CCDC33: variants seen among roughly 807,000 people sequenced by gnomAD.
CCDC33 encodes coiled-coil domain-containing protein 33.
Under a neutral mutation model 91.9 loss-of-function variants are expected in CCDC33, and 94 were observed. That is an observed-to-expected ratio of 1.02 (90% CI 0.87 to 1.21). The LOEUF is 1.21. CCDC33 is among the 50% of genes most tolerant of loss of function. The pLI, the probability that CCDC33 is intolerant of heterozygous loss-of-function variation, is 0.00. For synonymous variants in CCDC33, 396 were observed against 374.5 expected (o/e 1.06, Z -0.66); for missense variants, 940 against 935.5 (o/e 1.00, Z -0.06).
intron 7 of CCDC33, among the ~76,000 whole-genome samples, chr15:74,274,413 T>A (rs545339716): frequency 1.3e-5 from 2 of 152,048 alleles, no homozygotes; most frequent in African/African-American, 4.8e-5. Context: ...TTTTTGGAGG[T>A]CCCTCCTATT....
upstream of CCDC33, chr15:74,213,426 A>G (rs1236672101): frequency 1.3e-5 from 2 of 152,212 alleles, no homozygotes; most frequent in East Asian, 1.9e-4. Context: ...GTCCAGTCAT[A>G]TCGCTACACA....
intron 11 of CCDC33, among the ~76,000 whole-genome samples, chr15:74,305,873 G>GA (rs894146955): frequency 2.8e-4 from 34 of 121,342 alleles, no homozygotes; most frequent in African/African-American, 1.3e-3. Context: ...GTGTGGCCTT[G>GA]AAAAAATCAC....
At position 74,331,098 on chromosome 15, in the gene CCDC33, C is replaced by T. The variant is rs368665468; in HGVS notation, c.1663C>T (p.Arg555Trp). 39 of 1,612,792 alleles carry T rather than the reference C, an allele frequency of 2.4e-5. No homozygotes were observed. Among genetic ancestry groups the T allele is most frequent in the South Asian group, 3.3e-5 (3 of 90,844 alleles). ...QKMKALEETV[R>W]HQEKVIEKME... is the part of the protein sequence containing the mutation. ...GATGAAGGCGCTGGAGGAGACTGTG[C>T]GGCACCAAGAGAAGGCAGGTGGCAG... The change falls in exon 14 of 19, where the codon CGG (arginine) becomes TGG (tryptophan). Residue 555 changes from arginine to tryptophan, a missense_variant. Coordinates refer to ENST00000398814, the MANE Select transcript of CCDC33 (RefSeq NM_025055.5).
intron 11 of CCDC33, among the ~76,000 whole-genome samples, chr15:74,304,849 G>C (rs1289384350): frequency 6.6e-6 from 1 of 152,150 alleles, no homozygotes; most frequent in Non-Finnish European, 1.5e-5. Flanking sequence ...CACCTGGCTA[G>C]GTAAATGTGC....
At chr15:74,258,683 T>C (rs1310392501) in intron 2 of CCDC33, among the ~76,000 whole-genome samples, 1 of 152,170 alleles carries the variant, frequency 6.6e-6, no homozygotes, top group Non-Finnish European at 1.5e-5. Context: ...TGTGTGGATG[T>C]GTGTGTGTGT....
At chr15:74,225,115 GGCGT>G (rs1246806341) in intron 2 of CCDC33, among the ~76,000 whole-genome samples, 2 of 117,112 alleles carry the variant, frequency 1.7e-5, no homozygotes, top group East Asian at 4.2e-4. Context: ...ACCTCCTGGA[GGCGT>G]GTGTGTGTGT....
intron 7 of CCDC33, among the ~76,000 whole-genome samples, chr15:74,273,262 A>G (rs1343196879): frequency 1.3e-5 from 2 of 152,252 alleles, no homozygotes; most frequent in Admixed American, 6.5e-5. Context: ...AATGTAGAAC[A>G]GTGGCTACAG....
In CCDC33 at chr15:74,280,103, C is replaced by T. The variant is rs1443216562; in HGVS notation, c.889+11C>T. 6.2e-7 allele frequency: 1 copy of T among 1,613,648 alleles called. No individual in the cohort carries two copies. The highest frequency in any genetic ancestry group is 1.7e-5 in the Admixed American group (1 of 59,988). On this transcript the variant is annotated intron_variant, in intron 8 of 18. Transcript: ENST00000398814. ...ACTCCTCAACTTCAAGTACGTGACC[C>T]CTGGTGCCTCGCCAGGGCAGCCATG... is the stretch of plus-strand genomic sequence containing the variant.
chr15:74,263,387 C>G (rs1056524099), intron 3 of CCDC33, among the ~76,000 whole-genome samples: 4 of 152,212 alleles, frequency 2.6e-5, no homozygotes, highest in African/African-American at 9.6e-5. Flanking sequence ...TGGTCTCTCC[C>G]TGAGAGGACA....
intron 2 of CCDC33, among the ~76,000 whole-genome samples, chr15:74,226,827 CAAA>C (rs1167716008): frequency 8.4e-5 from 7 of 83,672 alleles, no homozygotes; most frequent in Admixed American, 1.3e-4. Context: ...GACTCCATCT[CAAA>C]AAAAAAAAAA....
chr15:74,305,750 C>T (rs1235960156), intron 11 of CCDC33, among the ~76,000 whole-genome samples: 1 of 152,182 alleles, frequency 6.6e-6, no homozygotes, highest in African/African-American at 2.4e-5. Flanking sequence ...TTTGTTCGAC[C>T]AGGGTTTTGA....
intron 11 of CCDC33, among the ~76,000 whole-genome samples, chr15:74,324,989 G>C: frequency 7.9e-6 from 1 of 126,588 alleles, no homozygotes; most frequent in Non-Finnish European, 1.6e-5. Flanking sequence ...CCACACTACA[G>C]GCATGCACCT....
intron 1 of CCDC33, among the ~76,000 whole-genome samples, chr15:74,203,964 A>T (rs2074191657): frequency 6.6e-6 from 1 of 152,194 alleles, no homozygotes; most frequent in Non-Finnish European, 1.5e-5. Context: ...GTGAAGTCTC[A>T]GAGTAGACAG....
intron 11 of CCDC33, among the ~76,000 whole-genome samples, chr15:74,309,550 T>A (rs968025756): frequency 2.6e-5 from 4 of 152,212 alleles, no homozygotes; most frequent in Non-Finnish European, 4.4e-5. Context: ...ATCCCCAGGC[T>A]GGCTGTGAAA....
chr15:74,228,729 C>T (rs992839049), intron 2 of CCDC33, among the ~76,000 whole-genome samples: 7 of 152,192 alleles, frequency 4.6e-5, no homozygotes, highest in African/African-American at 1.2e-4. Context: ...TGCTTTTTGT[C>T]GGCGGGTGTT....
chr15:74,311,685 C>T (rs190152577), intron 11 of CCDC33: 22 of 152,180 alleles, frequency 1.4e-4, no homozygotes, highest in African/African-American at 5.3e-4. Flanking sequence ...TAGATGACAG[C>T]GGGAGGCTGG....
chr15:74,210,569 G>A (rs1306160159), intron 2 of CCDC33, among the ~76,000 whole-genome samples: 1 of 152,220 alleles, frequency 6.6e-6, no homozygotes, highest in African/African-American at 2.4e-5. Context: ...TGGGGGAGGG[G>A]TGAATTTTGG....
upstream of CCDC33, among the ~76,000 whole-genome samples, chr15:74,214,420 GC>G (rs1431609211): frequency 6.6e-6 from 1 of 152,028 alleles, no homozygotes; most frequent in Non-Finnish European, 1.5e-5. Context: ...ACCAGGCCCT[GC>G]CCCCCAGAGA....
intron 10 of CCDC33, among the ~76,000 whole-genome samples, chr15:74,289,093 G>A (rs150687547): frequency 5.3e-5 from 8 of 152,244 alleles, no homozygotes; most frequent in Admixed American, 6.5e-5. Flanking sequence ...GGAGCCCTGC[G>A]AACCCATCAC....
Sources: allele counts gnomAD v4.1 joint callset (sites outside exome capture counted in the v4.1 genomes callset), GRCh38; gene constraint gnomAD v4.1.1; transcripts MANE v1.5; gene names NCBI Gene and HGNC (gene_info 2026-07-23, HGNC 2026-07-21).